Variants in TEX9 observed in about 807,000 individuals in gnomAD.
TEX9 encodes testis expressed 9.
In TEX9, 74 loss-of-function variants were observed where a neutral mutation model predicts 59.6. The ratio of observed to expected loss-of-function variants is 1.24; its 90% CI spans 1.03 to 1.51. The LOEUF is 1.51. Ranked by LOEUF, TEX9 falls within the 40% of genes most tolerant of loss-of-function variation. The pLI, the probability that TEX9 is intolerant of heterozygous loss-of-function variation, is 0.00. For synonymous variants in TEX9, 186 were observed against 152.2 expected (o/e 1.22, Z -1.64); for missense variants, 522 against 447.8 (o/e 1.17, Z -1.49).
chr15:56,336,211 G>A (rs1046831108), intron 1 of TEX9, among the ~76,000 whole-genome samples: 7 of 152,104 alleles, frequency 4.6e-5, no homozygotes, highest in Admixed American at 4.6e-4. Context: ...TTGGGTTTCT[G>A]GGAAACAGAC....
At chr15:56,379,995 T>C (rs796152902) in intron 3 of TEX9, among the ~76,000 whole-genome samples, 27 of 152,240 alleles carry the variant, frequency 1.8e-4, no homozygotes, top group African/African-American at 6.0e-4. Flanking sequence ...AACCAGTCCG[T>C]CTTTTGATTG....
chr15:56,333,744 T>G (rs1427733988), intron 1 of TEX9, among the ~76,000 whole-genome samples: 1 of 152,180 alleles, frequency 6.6e-6, no homozygotes, highest in Non-Finnish European at 1.5e-5. Flanking sequence ...TATCCTTGTT[T>G]GCAGATGATA....
chr15:56,336,740 CA>C (rs2046264267), intron 1 of TEX9, among the ~76,000 whole-genome samples: 1 of 152,140 alleles, frequency 6.6e-6, no homozygotes, highest in South Asian at 2.1e-4. Context: ...GGTGATACTA[CA>C]AGGAGCTGGT....
intron 12 of TEX9, chr15:56,443,539 TA>T (rs771197854): frequency 6.3e-7 from 1 of 1,581,202 alleles, no homozygotes; most frequent in Non-Finnish European, 8.5e-7. Flanking sequence ...CTGTGTCAAC[TA>T]TTAAATTTTT....
intron 3 of TEX9, chr15:56,374,307 TA>T (rs2047325371): frequency 6.6e-6 from 1 of 152,036 alleles, no homozygotes; most frequent in African/African-American, 2.4e-5. Flanking sequence ...TGGGATAAGC[TA>T]GGAAAGGGGT....
intron 1 of TEX9, among the ~76,000 whole-genome samples, chr15:56,263,989 A>G (rs900402743): frequency 1.6e-4 from 24 of 152,294 alleles, no homozygotes; most frequent in Admixed American, 7.8e-4. Flanking sequence ...GGCAACTATG[A>G]ATAATACATT....
chr15:56,429,807 A>G (rs529486155), intron 12 of TEX9: 1 of 152,338 alleles, frequency 6.6e-6, no homozygotes, highest in East Asian at 1.9e-4. Context: ...GTCATTTGGC[A>G]CCATTAGGAC....
At chr15:56,302,643 G>A (rs974329393) in intron 1 of TEX9, among the ~76,000 whole-genome samples, 2 of 152,028 alleles carry the variant, frequency 1.3e-5, no homozygotes, top group African/African-American at 4.8e-5. Context: ...AAGAAGGAAG[G>A]AAGAGAAGAC....
intron 1 of TEX9, among the ~76,000 whole-genome samples, chr15:56,316,873 T>C (rs2045782402): frequency 6.6e-6 from 1 of 152,178 alleles, no homozygotes; most frequent in African/African-American, 2.4e-5. Context: ...TTTAAGCCCG[T>C]CGGAAAAGCG....
intron 3 of TEX9, among the ~76,000 whole-genome samples, chr15:56,376,249 G>C (rs1680797555): frequency 6.6e-6 from 1 of 151,932 alleles, no homozygotes; most frequent in Non-Finnish European, 1.5e-5. Flanking sequence ...AAGATATATT[G>C]ATTTCCCCTC....
At chr15:56,366,908 G>T (rs1243881947) in intron 2 of TEX9, among the ~76,000 whole-genome samples, 1 of 152,266 alleles carries the variant, frequency 6.6e-6, no homozygotes, top group South Asian at 2.1e-4. Flanking sequence ...GAAATGGGCC[G>T]ATTATCCCAG....
chr15:56,449,840 ATTGT>A (rs1276442288), downstream of TEX9, among the ~76,000 whole-genome samples: 1 of 152,174 alleles, frequency 6.6e-6, no homozygotes, highest in Non-Finnish European at 1.5e-5. Context: ...TTTTCATAAA[ATTGT>A]TTGCAATATC....
chr15:56,326,134 C>T (rs1164464505), intron 1 of TEX9, among the ~76,000 whole-genome samples: 5 of 152,172 alleles, frequency 3.3e-5, no homozygotes, highest in Non-Finnish European at 5.9e-5. Flanking sequence ...GAATGAAGTC[C>T]TCTTTTCCCA....
intron 10 of TEX9, among the ~76,000 whole-genome samples, chr15:56,417,067 T>C (rs549456532): frequency 2.6e-5 from 4 of 151,940 alleles, no homozygotes; most frequent in African/African-American, 9.7e-5. Context: ...CTTTGTCATT[T>C]CTAATTGTGT....
chr15:56,415,690 T>G (rs779591904), intron 10 of TEX9, among the ~76,000 whole-genome samples: 4 of 151,894 alleles, frequency 2.6e-5, no homozygotes, highest in Non-Finnish European at 5.9e-5. Flanking sequence ...CCAACTTTGT[T>G]CTTTTTGCTT....
At chr15:56,397,546 G>A (rs1335651884) in intron 9 of TEX9, 1 of 152,228 alleles carries the variant, frequency 6.6e-6, no homozygotes, top group East Asian at 1.9e-4. Context: ...GGTATGCAGA[G>A]GTCTTCACGG....
chr15:56,257,644 T>C (rs145548685), intron 1 of TEX9, among the ~76,000 whole-genome samples: 13 of 152,278 alleles, frequency 8.5e-5, no homozygotes, highest in Admixed American at 8.5e-4. Context: ...ATCGGGTTGT[T>C]TTTTCTTGTA....
rs78883684 is a variant in TEX9, at chr15:56,351,319, A to T, written c.-106-22122A>T. 5.4e-3 allele frequency among the ~76,000 whole-genome samples: 821 copies of T among 152,346 alleles called. 7 individuals are homozygous for T. The highest frequency in any genetic ancestry group is 8.8e-3 in the Non-Finnish European group (596 of 68,030). On this transcript the variant is annotated intron_variant, in intron 1 of 5. Transcript: ENST00000560827. ...GTCTCAATGAGATAATGAAGTCATG[A>T]TAGGAAATCATCACTGTTGAATATT...
intron 1 of TEX9, among the ~76,000 whole-genome samples, chr15:56,296,893 C>T (rs1278345786): frequency 6.6e-6 from 1 of 151,914 alleles, no homozygotes; most frequent in Non-Finnish European, 1.5e-5. Context: ...AGCTCAGTGT[C>T]GTTCCTCTTT....
Sources: gnomAD v4.1 joint callset for allele counts (sites outside exome capture counted in the v4.1 genomes callset) on GRCh38, gnomAD v4.1.1 for gene constraint, MANE v1.5 for transcripts, NCBI Gene and HGNC (gene_info 2026-07-23, HGNC 2026-07-21) for gene names.